LMAN1L: variants seen among roughly 807,000 people sequenced by gnomAD.
LMAN1L encodes protein ERGIC-53-like.
In LMAN1L, 60 loss-of-function variants were observed where a neutral mutation model predicts 58.3. That is an observed-to-expected ratio of 1.03 (90% CI 0.84 to 1.27). The LOEUF is 1.27. LMAN1L is among the 50% of genes most tolerant of loss of function. LMAN1L has a pLI of 0.00. For synonymous variants in LMAN1L, 280 were observed against 271.6 expected, an observed-to-expected ratio of 1.03 and a Z score of -0.31; for missense variants, 629 against 674.0, an observed-to-expected ratio of 0.93 and a Z score of 0.74.
chr15:74,817,736 G>A (rs2063898203), intron 4 of LMAN1L, among the ~76,000 whole-genome samples: 1 of 152,224 alleles, frequency 6.6e-6, no homozygotes, highest in South Asian at 2.1e-4. Context: ...GAGAGGCCAG[G>A]CACAGTGGCT....
chr15:74,814,663 G>A (rs965464073), intron 1 of LMAN1L, among the ~76,000 whole-genome samples: 31 of 152,152 alleles, frequency 2.0e-4, no homozygotes, highest in Admixed American at 3.9e-4. Flanking sequence ...GAGCCACCGC[G>A]CCCAGCCTAA....
chr15:74,818,638 G>C, intron 4 of LMAN1L, 80 bp from the exon 5 acceptor site: 1 of 1,070,506 alleles, frequency 9.3e-7, no homozygotes, highest in South Asian at 1.4e-5. Context: ...AAGTTGCAAT[G>C]AGCCACAACT....
intron 4 of LMAN1L, among the ~76,000 whole-genome samples, chr15:74,817,474 C>T (rs144661374): frequency 0.011 from 1,711 of 152,280 alleles, 28 homozygotes; most frequent in Middle Eastern, 0.017. Context: ...TGGCGGAAGG[C>T]GGCACTGTCA....
In LMAN1L at chr15:74,816,676, C is replaced by T. The variant is rs2063892768; in HGVS notation, c.483C>T (p.Pro161=). 6.2e-7 allele frequency: 1 copy of T among 1,613,918 alleles called. No individual in the cohort carries two copies. Among genetic ancestry groups the T allele is most frequent in the Non-Finnish European group, 8.5e-7 (1 of 1,179,886 alleles). The change falls in exon 4 of 14, where the codon CCC becomes CCT. Residue 161 remains proline, a synonymous_variant. Coordinates refer to ENST00000309664, the MANE Select transcript of LMAN1L (RefSeq NM_021819.3). The stretch of plus-strand genomic sequence containing the variant: ...TGCTGGCCAGCGACGGGCACATCCC[C>T]TCTGAGCAGCCTGGGTAAGGGCCTG... ...IRVLASDGHI[P]SEQPGDGASQ...
Position 74,818,742 on chromosome 15 carries a change from C to A in LMAN1L, c.522C>A (p.Gly174=). 6.2e-7 allele frequency: 1 copy of A among 1,610,900 alleles called. No individual in the cohort carries two copies. The highest frequency in any genetic ancestry group is 8.5e-7 in the Non-Finnish European group (1 of 1,178,912). The change falls in exon 5 of 14, where the codon GGC becomes GGA. Residue 174 remains glycine (G), a synonymous_variant. Transcript: ENST00000309664. The part of the protein sequence containing the change: ...QPGDGASQGL[G]SCHWDFRNRP... ...GGGATGGAGCTAGCCAAGGGCTGGG[C>A]TCCTGTCATTGGGACTTCCGGAACC...
chr15:74,819,959 G>A lies in LMAN1L; in HGVS notation c.719-85G>A, dbSNP rs989414460. On this transcript the variant is annotated intron_variant, in intron 6 of 13. Transcript: ENST00000309664. ...AAAGTCACCCCTCTTGCCTCGGTGG[G>A]ATATCATGGCGGTTAGGGTGAAGGC... 35 of 1,273,632 alleles carry A rather than the reference G, an allele frequency of 2.7e-5. No homozygotes were observed. In the African/African-American group the frequency reaches 4.1e-4, roughly 15 times the overall value. 78.9% of individuals were successfully genotyped at this position (1,273,632 alleles called of 1,614,324 possible). A position where few individuals can be genotyped will look rare whatever the true frequency, so the allele number is the denominator to read the frequency against.
intron 13 of LMAN1L, 100 bp from the exon 14 acceptor site, chr15:74,825,376 T>A: frequency 7.8e-7 from 1 of 1,280,092 alleles, no homozygotes; most frequent in Non-Finnish European, 1.1e-6. Flanking sequence ...GCGGAGGTTG[T>A]GGTGCAGTGA....
chr15:74,820,078 C>T lies in LMAN1L; in HGVS notation c.753C>T (p.Ser251=), dbSNP rs774537470. 6.2e-7 allele frequency: 1 copy of T among 1,614,128 alleles called. No homozygotes were observed. Among genetic ancestry groups the T allele is most frequent in the South Asian group, 1.1e-5 (1 of 91,082 alleles). ...ATGTCCTGTCCTTCCTGACCTTCAG[C>T]CTGAGTGAGCCCAGCCCAGAGGTGA... ...DHDVLSFLTF[S]LSEPSPEVPP... The change falls in exon 7 of 14, where the codon AGC becomes AGT. Residue 251 remains serine, a synonymous_variant. Transcript: ENST00000309664.
chr15:74,820,848 T>C (rs1050927103), intron 8 of LMAN1L, 81 bp downstream of exon 8: 2 of 1,537,486 alleles, frequency 1.3e-6, no homozygotes, highest in African/African-American at 2.8e-5. Context: ...GGTCCTTTAA[T>C]CAGTAGGGAA....
At chr15:74,816,360 G>A in intron 2 of LMAN1L, 49 bp downstream of exon 2, 3 of 1,603,414 alleles carry the variant, frequency 1.9e-6, no homozygotes, top group Non-Finnish European at 2.6e-6. Flanking sequence ...TCAGGGAGGC[G>A]GGTGATGAGC....
At chr15:74,813,346 C>G in intron 1 of LMAN1L, 2 of 507,244 alleles carry the variant, frequency 3.9e-6, no homozygotes, top group Admixed American at 4.5e-5. Flanking sequence ...GACACATGCT[C>G]ACACACTAAG....
rs771852679 is a variant in LMAN1L at position 74,816,488 on chromosome 15, G to C, written c.392G>C (p.Trp131Ser). The change falls in exon 3 of 14, where the codon TGG becomes TCG. Residue 131 changes from tryptophan (W) to serine (S), a missense_variant. Transcript: ENST00000309664. ...VGSVLGGLAS[W>S]DGIGIFFDSP... ...TCTGTCCTTGGGGGGCTGGCTTCGT[G>C]GGACGGCATCGGGATCTTCTTTGAC... 1 of 1,550,182 alleles carries C rather than the reference G, an allele frequency of 6.5e-7. No individual in the cohort carries two copies. Among genetic ancestry groups the C allele is most frequent in the Admixed American group, 1.9e-5 (1 of 54,008 alleles).
Position 74,818,708 on chromosome 15 carries a change from C to T in LMAN1L, c.498-10C>T, listed in dbSNP as rs758163182. The stretch of plus-strand genomic sequence containing the variant: ...TCTCAAAAACAAACAAATGAACAAA[C>T]TGCCCACAGGGATGGAGCTAGCCAA... On this transcript the variant is annotated splice_polypyrimidine_tract_variant and intron_variant, in intron 4 of 13. Transcript: ENST00000309664. 1.9e-6 allele frequency: 3 copies of T among 1,595,482 alleles called. No individual in the cohort carries two copies. The highest frequency in any genetic ancestry group is 2.6e-6 in the Non-Finnish European group (3 of 1,170,106).
rs754125441 is a variant in LMAN1L at position 74,820,108 on chromosome 15, A to C, written c.774+9A>C. 58 of 1,613,282 alleles carry C rather than the reference A, an allele frequency of 3.6e-5. No individual in the cohort carries two copies. Among genetic ancestry groups the C allele is most frequent in the Non-Finnish European group, 4.7e-5 (55 of 1,179,390 alleles). Reference sequence around the variant, plus strand: ...GTGAGCCCAGCCCAGAGGTGATGCCAGCCCTGGCCTACCTGGGAATGGCAG... The same window carrying C: ...GTGAGCCCAGCCCAGAGGTGATGCCCGCCCTGGCCTACCTGGGAATGGCAG... On this transcript the variant is annotated intron_variant, in intron 7 of 13. Transcript: ENST00000309664.
chr15:74,823,425 C>T, intron 11 of LMAN1L, 134 bp from the exon 12 acceptor site: 1 of 903,816 alleles, frequency 1.1e-6, no homozygotes, highest in Non-Finnish European at 1.7e-6. Flanking sequence ...GACCAGCCCC[C>T]AAGAAGGGGC....
chr15:74,819,593 C>T, intron 6 of LMAN1L: 1 of 498,036 alleles, frequency 2.0e-6, no homozygotes, highest in Non-Finnish European at 3.6e-6. Context: ...CACGGAGGGT[C>T]CCACAGCGGG....
chr15:74,822,171 A>G (rs1567225255), intron 10 of LMAN1L, among the ~76,000 whole-genome samples: 1 of 152,196 alleles, frequency 6.6e-6, no homozygotes, highest in African/African-American at 2.4e-5. Flanking sequence ...CCTGGCCAAC[A>G]TGGTGAAACC....
intron 6 of LMAN1L, chr15:74,819,705 G>A (rs1201219395): frequency 6.1e-6 from 3 of 494,018 alleles, no homozygotes; most frequent in East Asian, 3.6e-5. Context: ...TGGAAAGGTG[G>A]CCACTGTGCA....
chr15:74,821,409 C>CGGGGCT (rs1472612873), intron 9 of LMAN1L, among the ~76,000 whole-genome samples, 183 bp downstream of exon 9: 2 of 152,126 alleles, frequency 1.3e-5, no homozygotes, highest in South Asian at 2.1e-4. Context: ...CAAATGCGCA[C>CGGGGCT]GGGGCTGGGG....
Sources: gnomAD v4.1 joint callset for allele counts (sites outside exome capture counted in the v4.1 genomes callset) on GRCh38, gnomAD v4.1.1 for gene constraint, MANE v1.5 for transcripts, NCBI Gene and HGNC (gene_info 2026-07-23, HGNC 2026-07-21) for gene names.